Variants in PCDHA4 observed in about 807,000 individuals in gnomAD.
PCDHA4 encodes protocadherin alpha 4, also known as protocadherin alpha-4.
In PCDHA4, 49 loss-of-function variants were observed where a neutral mutation model predicts 61.4. That is an observed-to-expected ratio of 0.80 (90% CI 0.63 to 1.01). The LOEUF is 1.01. PCDHA4 is among the 50% of genes least tolerant of loss of function. The pLI is 0.00. For missense variants in PCDHA4, 1,254 were observed against 1,235.8 expected (o/e 1.01, Z -0.22); for synonymous variants, 590 against 550.3 (o/e 1.07, Z -1.01).
chr5:140,808,252 A>T lies in PCDHA4; in HGVS notation c.1065A>T (p.Leu355Phe). ...DNVPDLEFKS[L>F]SLPIREDAPL... Reference sequence around the variant, plus strand: ...TCCCAGATTTGGAATTCAAGTCTTTATCACTTCCAATTAGAGAGGACGCTC... The same window carrying T: ...TCCCAGATTTGGAATTCAAGTCTTTTTCACTTCCAATTAGAGAGGACGCTC... Residue 355 changes from leucine (L) to phenylalanine (F), a missense_variant, in exon 1 of 4, where the codon TTA (leucine) becomes TTT (phenylalanine). Coordinates refer to ENST00000530339, the MANE Select transcript of PCDHA4 (RefSeq NM_018907.4). 1.2e-6 allele frequency: 2 copies of T among 1,614,232 alleles called. No homozygotes were observed. Among genetic ancestry groups the T allele is most frequent in the Non-Finnish European group, 1.7e-6 (2 of 1,180,036 alleles).
chr5:140,929,163 G>T lies in PCDHA4; in HGVS notation c.2386-49786G>T, dbSNP rs142058597. On this transcript the variant is annotated intron_variant, in intron 1 of 3. Coordinates refer to ENST00000530339, the MANE Select transcript of PCDHA4 (RefSeq NM_018907.4). ...GACTTTCTCAGACTTATCTCTATCG[G>T]GCCTCTCTGGGACTTGGTTCTGATA... 2.4e-4 allele frequency: 385 copies of T among 1,614,058 alleles called. 2 individuals carry two copies. In the African/African-American group the frequency reaches 4.5e-3, roughly 19 times the overall value.
chr5:140,900,000 A>G (rs1374747791), intron 1 of PCDHA4, among the ~76,000 whole-genome samples: 1 of 151,872 alleles, frequency 6.6e-6, no homozygotes, highest in Non-Finnish European at 1.5e-5. Flanking sequence ...TGTAGAGATG[A>G]GGTCTCACTT....
intron 1 of PCDHA4, 136 bp downstream of exon 1, chr5:140,809,708 C>A: frequency 9.3e-7 from 1 of 1,072,272 alleles, no homozygotes. Flanking sequence ...TAACTAAAGT[C>A]TTTTGGAATT....
Position 141,009,632 on chromosome 5 carries a change from G to A in PCDHA4, c.2539G>A (p.Glu847Lys). 1 of 1,613,032 alleles carries A rather than the reference G, an allele frequency of 6.2e-7. No individual in the cohort carries two copies. Among genetic ancestry groups the A allele is most frequent in the Non-Finnish European group, 8.5e-7 (1 of 1,179,354 alleles). The change falls in exon 4 of 4, where the codon GAG (glutamate) becomes AAG (lysine). Residue 847 changes from glutamate to lysine, a missense_variant. Transcript: ENST00000530339. The stretch of plus-strand genomic sequence containing the variant: ...TGTAATGTTTTGTCTTTCAGAACCA[G>A]AGGCAGGAGAAGTGTCCCCTCCAGT... ...PTVSSATPEP[E>K]AGEVSPPVGA...
chr5:140,897,281 C>T lies in PCDHA4; in HGVS notation c.2386-81668C>T, dbSNP rs1583262674. On this transcript the variant is annotated intron_variant, in intron 1 of 3. Coordinates refer to ENST00000530339, the MANE Select transcript of PCDHA4 (RefSeq NM_018907.4). ...ATGTGCCATGCTGGTGTGCTGCACC[C>T]ATTAACTCGTCATTTAGCATTAGGT... Among the ~76,000 whole-genome samples, 6 of 151,664 alleles carry T rather than the reference C, an allele frequency of 4.0e-5. No homozygotes were observed. In the South Asian group the frequency reaches 1.2e-3, roughly 32 times the overall value.
intron 1 of PCDHA4, chr5:140,966,888 C>T: frequency 1.9e-6 from 3 of 1,593,128 alleles, no homozygotes; most frequent in Non-Finnish European, 2.6e-6. Flanking sequence ...GGCCCTGCGG[C>T]CTCCCAGCTG....
rs868946985 is a variant in PCDHA4, at chr5:140,985,825, T to C, written c.2533+3262T>C. ...CACGATCTCAGCTCACAACAAGCTC[T>C]GCCTCCCGGGTTCATGCCACTCTCC... On this transcript the variant is annotated intron_variant, in intron 3 of 3. Transcript: ENST00000530339. 4.1e-4 allele frequency among the ~76,000 whole-genome samples: 61 copies of C among 148,858 alleles called. 1 individual carries two copies. The highest frequency in any genetic ancestry group is 2.7e-4 in the Admixed American group (4 of 14,688).
At position 140,807,679 on chromosome 5, in the gene PCDHA4, G is replaced by A. The variant is rs782215966; in HGVS notation, c.492G>A (p.Glu164=). 16 of 1,614,118 alleles carry A rather than the reference G, an allele frequency of 9.9e-6. No individual in the cohort carries two copies. In the Admixed American group the frequency reaches 2.7e-4, roughly 27 times the overall value. The part of the protein sequence containing the change: ...LEGASDADIG[E]NALLTYRLSP... ...GCGCCTCGGATGCAGATATCGGGGAGAACGCCCTGCTCACTTACAGACTGA... is the reference window on the plus strand; with the variant it reads ...GCGCCTCGGATGCAGATATCGGGGAAAACGCCCTGCTCACTTACAGACTGA... The change falls in exon 1 of 4, where the codon GAG becomes GAA. Residue 164 remains glutamate, a synonymous_variant. Transcript: ENST00000530339.
Position 141,009,711 on chromosome 5 carries a change from C to G in PCDHA4, c.2618C>G (p.Pro873Arg), listed in dbSNP as rs575518914. Reference sequence around the variant, plus strand: ...ACCTTTAAATACGGACCAGGCAACCCCAAACAATCCGGTCCCGGTGAGTTG... The same window carrying G: ...ACCTTTAAATACGGACCAGGCAACCGCAAACAATCCGGTCCCGGTGAGTTG... The part of the protein sequence containing the change: ...SWTFKYGPGN[P>R]KQSGPGELPD... Residue 873 changes from proline to arginine, a missense_variant, in exon 4 of 4, where the codon CCC (proline) becomes CGC (arginine). Transcript: ENST00000530339. The G allele has an allele frequency of 6.2e-6, 10 of 1,613,982 alleles. No homozygotes were observed. Among genetic ancestry groups the G allele is most frequent in the Non-Finnish European group, 8.5e-6 (10 of 1,180,036 alleles).
At chr5:140,823,221 C>T (rs1328701255) in intron 1 of PCDHA4, 4 of 1,613,612 alleles carry the variant, frequency 2.5e-6, no homozygotes, top group African/African-American at 1.3e-5. Flanking sequence ...GGGACGCGGA[C>T]GCGCAGGAGA....
At chr5:140,817,376 AT>A (rs1453715792) in intron 1 of PCDHA4, 10 of 152,282 alleles carry the variant, frequency 6.6e-5, no homozygotes, top group Admixed American at 6.5e-4. Flanking sequence ...TTCGGCACTT[AT>A]CACCATGGGA....
chr5:140,820,673 G>A (rs2150107596), intron 1 of PCDHA4, among the ~76,000 whole-genome samples: 8,895 of 152,040 alleles, frequency 0.059, 862 homozygotes, highest in African/African-American at 0.2. Flanking sequence ...TATAAAGATA[G>A]CCTGGTTAAT....
intron 1 of PCDHA4, among the ~76,000 whole-genome samples, chr5:140,976,550 C>CATAA (rs782672542): frequency 1.5e-4 from 23 of 152,064 alleles, no homozygotes; most frequent in African/African-American, 4.6e-4. Flanking sequence ...GACCCTATCT[C>CATAA]ATAAATAAAT....
chr5:140,977,084 A>C lies in PCDHA4; in HGVS notation c.2386-1865A>C, dbSNP rs545652987. On this transcript the variant is annotated intron_variant, in intron 1 of 3. Coordinates refer to ENST00000530339, the MANE Select transcript of PCDHA4 (RefSeq NM_018907.4). ...TAGAAAATAGCAGCATGACAAATTA[A>C]ATGTGTCATTGGGGAAGTGAGATTG... is the stretch of plus-strand genomic sequence containing the variant. 2.0e-5 allele frequency among the ~76,000 whole-genome samples: 3 copies of C among 152,336 alleles called. No individual in the cohort carries two copies. The East Asian group carries it at 5.8e-4, about 29-fold the overall frequency.
intron 1 of PCDHA4, chr5:140,858,003 A>G: frequency 6.3e-7 from 1 of 1,596,628 alleles, no homozygotes; most frequent in Non-Finnish European, 8.6e-7. Flanking sequence ...CTGGTGAAGG[A>G]CCATGGCGAG....
chr5:140,937,521 G>A (rs1244752316), intron 1 of PCDHA4, among the ~76,000 whole-genome samples: 1 of 152,106 alleles, frequency 6.6e-6, no homozygotes, highest in Non-Finnish European at 1.5e-5. Context: ...GGAGGCTGAG[G>A]CAGGAGAATT....
intron 1 of PCDHA4, among the ~76,000 whole-genome samples, chr5:140,945,017 T>C (rs1563211481): frequency 6.6e-6 from 1 of 152,172 alleles, no homozygotes; most frequent in Non-Finnish European, 1.5e-5. Context: ...AATTATTTTT[T>C]ACTCAGACAT....
intron 3 of PCDHA4, among the ~76,000 whole-genome samples, chr5:140,994,027 A>G (rs1237081548): frequency 2.6e-5 from 4 of 152,234 alleles, no homozygotes; most frequent in Non-Finnish European, 2.9e-5. Context: ...TGCAGATATA[A>G]TATTAAATAT....
In PCDHA4 at chr5:140,808,548, C is replaced by T. The variant is rs782321736; in HGVS notation, c.1361C>T (p.Ala454Val). 3.1e-6 allele frequency: 5 copies of T among 1,614,044 alleles called. No homozygotes were observed. Among genetic ancestry groups the T allele is most frequent in the Non-Finnish European group, 2.5e-6 (3 of 1,180,024 alleles). Residue 454 changes from alanine to valine, a missense_variant, in exon 1 of 4, where the codon GCG becomes GTG. Ala to Val is a moderately conservative substitution (Grantham distance 64). Transcript: ENST00000530339. Reference sequence around the variant, plus strand: ...GCTGATGTGAACGACAACGCTCCGGCGTTCGCGCAGCCCGAGTACACAGTG... The same window carrying T: ...GCTGATGTGAACGACAACGCTCCGGTGTTCGCGCAGCCCGAGTACACAGTG... The part of the protein sequence containing the change: ...EVADVNDNAP[A>V]FAQPEYTVFV...
Sources: gnomAD v4.1 joint callset for allele counts (sites outside exome capture counted in the v4.1 genomes callset) on GRCh38, gnomAD v4.1.1 for gene constraint, MANE v1.5 for transcripts, NCBI Gene and HGNC (gene_info 2026-07-23, HGNC 2026-07-21) for gene names.